The following KIF6 variants were observed in gnomAD, a reference collection of about 807,000 sequenced individuals.
KIF6 encodes kinesin family member 6, also known as kinesin-like protein KIF6.
In KIF6, 106 loss-of-function variants were observed where a neutral mutation model predicts 112.7. That is an observed-to-expected ratio of 0.94 (90% CI 0.80 to 1.11). The LOEUF (loss-of-function observed/expected upper bound fraction) is 1.11. Ranked by LOEUF, KIF6 falls within the 50% of genes least tolerant of loss-of-function variation. The pLI is 0.00. For missense variants in KIF6, 929 were observed against 964.0 expected, an observed-to-expected ratio of 0.96 and a Z score of 0.48; for synonymous variants, 339 against 339.9, an observed-to-expected ratio of 1.00 and a Z score of 0.03.
chr6:39,352,244 T>C (rs549915793), intron 19 of KIF6, among the ~76,000 whole-genome samples: 3 of 152,388 alleles, frequency 2.0e-5, no homozygotes, highest in Non-Finnish European at 4.4e-5. Context: ...GTGATAAATT[T>C]GTTATAACTG....
intron 17 of KIF6, among the ~76,000 whole-genome samples, chr6:39,361,466 C>T (rs190248239): frequency 3.4e-5 from 5 of 147,208 alleles, no homozygotes; most frequent in Admixed American, 7.0e-5. Context: ...GGCTGAGGCA[C>T]GAGAACTGCT....
intron 10 of KIF6, among the ~76,000 whole-genome samples, chr6:39,553,019 T>C (rs1279040622): frequency 1.3e-5 from 2 of 152,222 alleles, no homozygotes; most frequent in Non-Finnish European, 2.9e-5. Context: ...TAGTTTCATG[T>C]TTGCTTTTTC....
chr6:39,537,194 T>C (rs1582080777), intron 13 of KIF6, among the ~76,000 whole-genome samples: 1 of 152,132 alleles, frequency 6.6e-6, no homozygotes, highest in African/African-American at 2.4e-5. Context: ...CTATTCAACA[T>C]AGTGTTGGAA....
At chr6:39,536,668 C>T (rs1185985794) in intron 13 of KIF6, among the ~76,000 whole-genome samples, 1 of 151,132 alleles carries the variant, frequency 6.6e-6, no homozygotes, top group East Asian at 1.9e-4. Flanking sequence ...CCTTCTGAAA[C>T]TATTCCAATC....
chr6:39,440,122 G>T (rs1771824212), intron 13 of KIF6, among the ~76,000 whole-genome samples: 1 of 152,082 alleles, frequency 6.6e-6, no homozygotes, highest in Non-Finnish European at 1.5e-5. Context: ...AGGGGACGAT[G>T]AACAGTGAGA....
intron 15 of KIF6, among the ~76,000 whole-genome samples, chr6:39,398,069 A>T (rs1581763515): frequency 6.6e-6 from 1 of 152,368 alleles, no homozygotes; most frequent in South Asian, 2.1e-4. Flanking sequence ...TACAGAGCCC[A>T]TTATGATGAA....
chr6:39,561,521 T>A (rs1488388425), intron 10 of KIF6, among the ~76,000 whole-genome samples: 3 of 151,910 alleles, frequency 2.0e-5, no homozygotes, highest in Non-Finnish European at 2.9e-5. Context: ...CCGGTTAATT[T>A]TTTTTTTTGT....
chr6:39,578,447 C>CCGTTTCATCCTGTTCT (rs1781099288), intron 9 of KIF6, among the ~76,000 whole-genome samples: 1 of 151,514 alleles, frequency 6.6e-6, no homozygotes, highest in Non-Finnish European at 1.5e-5. Flanking sequence ...ATTCTCCTGC[C>CCGTTTCATCCTGTTCT]TCAGCCGAGT....
chr6:39,473,421 C>T (rs1029364713), intron 13 of KIF6, among the ~76,000 whole-genome samples: 9 of 152,106 alleles, frequency 5.9e-5, no homozygotes, highest in African/African-American at 2.2e-4. Flanking sequence ...TCTAGGAAGA[C>T]TTACTTCCAT....
At chr6:39,461,695 T>C (rs1487757569) in intron 13 of KIF6, among the ~76,000 whole-genome samples, 1 of 152,294 alleles carries the variant, frequency 6.6e-6, no homozygotes, top group East Asian at 1.9e-4. Flanking sequence ...ATTCAGACAC[T>C]GAATTTACAG....
At chr6:39,585,239 C>T (rs1378567358) in intron 8 of KIF6, among the ~76,000 whole-genome samples, 2 of 152,188 alleles carry the variant, frequency 1.3e-5, no homozygotes, top group Non-Finnish European at 2.9e-5. Flanking sequence ...GGTGTGGTTT[C>T]AGGATGAAAC....
In KIF6 at chr6:39,378,779, T is replaced by C. The variant is rs1766667714; in HGVS notation, c.1861+6843A>G. ...TGAACTGAACAAGATCCAGCCCTGATCAAATATTGCTTAGAAGAGATATTT... is the reference window on the plus strand; with the variant it reads ...TGAACTGAACAAGATCCAGCCCTGACCAAATATTGCTTAGAAGAGATATTT... On this transcript the variant is annotated intron_variant, in intron 16 of 22. Coordinates refer to ENST00000287152, the MANE Select transcript of KIF6 (RefSeq NM_145027.6). The surrounding 1 kb of genome is among the most constrained non-coding windows in gnomAD (Gnocchi z 5.0). 6.6e-6 allele frequency among the ~76,000 whole-genome samples: 1 copy of C among 152,220 alleles called. No homozygotes were observed. The highest frequency in any genetic ancestry group is 2.4e-5 in the African/African-American group (1 of 41,452).
chr6:39,371,475 C>T (rs943400225), intron 16 of KIF6, among the ~76,000 whole-genome samples: 4 of 152,298 alleles, frequency 2.6e-5, no homozygotes, highest in South Asian at 4.1e-4. Flanking sequence ...GCGGGGGTCA[C>T]AAGCTGGACA....
chr6:39,584,432 A>C (rs1365566840), intron 9 of KIF6, among the ~76,000 whole-genome samples: 26 of 94,178 alleles, frequency 2.8e-4, no homozygotes, highest in Middle Eastern at 4.5e-3. Context: ...AAAAAAAAAA[A>C]AAAAAAAAAA....
intron 10 of KIF6, among the ~76,000 whole-genome samples, chr6:39,562,590 T>C (rs1307555372): frequency 6.6e-6 from 1 of 152,204 alleles, no homozygotes; most frequent in Non-Finnish European, 1.5e-5. Flanking sequence ...CCTTTATGGC[T>C]CAGGGGTCAC....
chr6:39,419,790 C>T (rs957716061), intron 15 of KIF6, among the ~76,000 whole-genome samples, 158 bp downstream of exon 15: 3 of 152,174 alleles, frequency 2.0e-5, no homozygotes, highest in Admixed American at 2.0e-4. Flanking sequence ...GGAGGGATCA[C>T]ACACTTCCTA....
chr6:39,362,886 C>A (rs548221493), intron 16 of KIF6, among the ~76,000 whole-genome samples: 1 of 152,180 alleles, frequency 6.6e-6, no homozygotes, highest in Non-Finnish European at 1.5e-5. Context: ...CAGTGGCTCA[C>A]GCTTGTAATC....
intron 10 of KIF6, among the ~76,000 whole-genome samples, chr6:39,571,752 C>T (rs1780651500): frequency 6.6e-6 from 1 of 152,190 alleles, no homozygotes; most frequent in Non-Finnish European, 1.5e-5. Flanking sequence ...TCCTATTCTT[C>T]AATTCCTCCA....
At chr6:39,425,220 G>A (rs1055641381) in intron 14 of KIF6, among the ~76,000 whole-genome samples, 1 of 152,214 alleles carries the variant, frequency 6.6e-6, no homozygotes, top group Admixed American at 6.5e-5. Context: ...ATATGTGTTT[G>A]AGGGCAAAGG....
Sources: gnomAD v4.1 joint callset for allele counts (sites outside exome capture counted in the v4.1 genomes callset) on GRCh38, gnomAD v4.1.1 for gene constraint, Gnocchi (gnomAD v3.1) non-coding constraint, MANE v1.5 for transcripts, NCBI Gene and HGNC (gene_info 2026-07-23, HGNC 2026-07-21) for gene names.